DCC: variants seen among roughly 807,000 people sequenced by gnomAD.
DCC encodes the protein DCC netrin 1 receptor.
DCC carries 58 observed loss-of-function variants against 172.5 expected under a neutral mutation model. The observed-to-expected ratio is 0.34, with a 90% CI of 0.27 to 0.42. The LOEUF is 0.42. Ranked by LOEUF, DCC falls within the 10% of genes least tolerant of loss-of-function variation. The pLI is 1.00. For missense variants in DCC, 1,740 were observed against 1,791.0 expected (o/e 0.97, Z 0.51); for synonymous variants, 709 against 644.5 (o/e 1.10, Z -1.52).
rs567351189 is a variant in DCC at position 52,541,475 on chromosome 18, A to G, written c.91+200597A>G. ...CATTCATAATTCTGAGAAGAGAAAA[A>G]TCTAAATTCTACTCCCAGGTCCTCT... On this transcript the variant is annotated intron_variant, in intron 1 of 28. Coordinates refer to ENST00000442544, the MANE Select transcript of DCC (RefSeq NM_005215.4). 4.2e-4 allele frequency among the ~76,000 whole-genome samples: 64 copies of G among 152,310 alleles called. No individual in the cohort carries two copies. The South Asian group carries it at 5.6e-3, about 13-fold the overall frequency.
chr18:53,519,647 T>C (rs2046378014), intron 27 of DCC, among the ~76,000 whole-genome samples: 1 of 151,990 alleles, frequency 6.6e-6, no homozygotes, highest in East Asian at 1.9e-4. Flanking sequence ...TGGAAGAGAT[T>C]CTTTTCATTT....
chr18:52,993,077 C>A (rs2041421063), intron 5 of DCC, among the ~76,000 whole-genome samples: 1 of 151,080 alleles, frequency 6.6e-6, no homozygotes, highest in African/African-American at 2.4e-5. Context: ...AGTAATCAGT[C>A]TTTTTTTTCT....
chr18:52,517,285 A>G (rs984543803), intron 1 of DCC, among the ~76,000 whole-genome samples: 2 of 152,246 alleles, frequency 1.3e-5, no homozygotes, highest in African/African-American at 4.8e-5. Flanking sequence ...CTTTCTCGAT[A>G]GCTGCGGTGG....
At chr18:52,460,125 C>G (rs561287685) in intron 1 of DCC, among the ~76,000 whole-genome samples, 1 of 152,266 alleles carries the variant, frequency 6.6e-6, no homozygotes, top group South Asian at 2.1e-4. Flanking sequence ...CCTTTGTTCT[C>G]ACTTCCTGCT....
At chr18:52,777,646 C>A (rs938766132) in intron 2 of DCC, among the ~76,000 whole-genome samples, 16 of 151,964 alleles carry the variant, frequency 1.1e-4, no homozygotes, top group African/African-American at 3.9e-4. Flanking sequence ...TCAGAAGCAG[C>A]AAGCAGTGGA....
At chr18:52,381,228 T>G (rs1037159191) in intron 1 of DCC, among the ~76,000 whole-genome samples, 2 of 152,150 alleles carry the variant, frequency 1.3e-5, no homozygotes, top group African/African-American at 4.8e-5. Context: ...GACTGCACTT[T>G]GATCCTATAG....
chr18:52,736,914 G>C (rs1454471054), intron 1 of DCC, among the ~76,000 whole-genome samples: 1 of 152,144 alleles, frequency 6.6e-6, no homozygotes, highest in Admixed American at 6.5e-5. Context: ...TTGAGATAGA[G>C]ACTGGTATAT....
chr18:52,395,566 T>C (rs940878327), intron 1 of DCC, among the ~76,000 whole-genome samples: 9 of 152,042 alleles, frequency 5.9e-5, no homozygotes, highest in African/African-American at 1.9e-4. Context: ...GATTTATCAG[T>C]TGGAGTGACA....
intron 1 of DCC, among the ~76,000 whole-genome samples, chr18:52,392,860 A>T (rs1021618137): frequency 6.6e-6 from 1 of 152,126 alleles, no homozygotes; most frequent in Non-Finnish European, 1.5e-5. Flanking sequence ...GAATCGAACT[A>T]TGCAATACCA....
chr18:52,404,493 A>G (rs1986559933), intron 1 of DCC, among the ~76,000 whole-genome samples: 1 of 152,064 alleles, frequency 6.6e-6, no homozygotes, highest in Non-Finnish European at 1.5e-5. Context: ...TTTATATTGC[A>G]TAACTGAAGT....
intron 1 of DCC, among the ~76,000 whole-genome samples, chr18:52,481,925 T>G (rs1237430833): frequency 6.6e-6 from 1 of 152,110 alleles, no homozygotes; most frequent in African/African-American, 2.4e-5. Flanking sequence ...AAATATCTTA[T>G]TAAATTATTA....
chr18:52,514,713 A>C (rs2031565115), intron 1 of DCC, among the ~76,000 whole-genome samples: 1 of 152,250 alleles, frequency 6.6e-6, no homozygotes, highest in Non-Finnish European at 1.5e-5. Flanking sequence ...AGGCATAAGA[A>C]TAGAAATACA....
At chr18:53,306,517 C>G (rs2057202217) in intron 13 of DCC, among the ~76,000 whole-genome samples, 1 of 152,214 alleles carries the variant, frequency 6.6e-6, no homozygotes, top group African/African-American at 2.4e-5. Context: ...CTTGCTAGGT[C>G]TCCTGGGTGT....
In DCC at chr18:53,428,216, ATATAAT is replaced by A. The variant is rs1406195885; in HGVS notation, c.3164-6917_3164-6912del. ...AATATATAATATTATATATAAGTAT[ATATAAT>A]TATAATTATATATATAATTAATTAT... is the stretch of plus-strand genomic sequence containing the variant. On this transcript the variant is annotated intron_variant, in intron 21 of 28. Coordinates refer to ENST00000442544, the MANE Select transcript of DCC (RefSeq NM_005215.4). 1.6e-4 allele frequency among the ~76,000 whole-genome samples: 11 copies of A among 68,712 alleles called. 1 individual carries two copies. In the East Asian group the frequency reaches 4.3e-3, roughly 27 times the overall value. The allele number at this position is 68,712 out of a possible 152,430, so 45.1% of individuals were successfully genotyped here. A position where few individuals can be genotyped will look rare whatever the true frequency, so the allele number is the denominator to read the frequency against.
chr18:53,300,182 A>G (rs1048509010), intron 12 of DCC, among the ~76,000 whole-genome samples: 1 of 152,202 alleles, frequency 6.6e-6, no homozygotes, highest in African/African-American at 2.4e-5. Flanking sequence ...CTCATTATTT[A>G]CAGATTCTGT....
chr18:52,970,000 G>A (rs996058579), intron 5 of DCC, among the ~76,000 whole-genome samples: 3 of 151,550 alleles, frequency 2.0e-5, no homozygotes, highest in Non-Finnish European at 3.0e-5. Context: ...TCTTACATTT[G>A]GAAGACTTGA....
intron 12 of DCC, among the ~76,000 whole-genome samples, chr18:53,231,668 G>A (rs1456893570): frequency 2.0e-5 from 3 of 151,924 alleles, no homozygotes; most frequent in Non-Finnish European, 4.4e-5. Context: ...AATATTTAAG[G>A]GAGTATTAAT....
At chr18:53,126,654 A>G (rs1439571440) in intron 7 of DCC, among the ~76,000 whole-genome samples, 2 of 152,146 alleles carry the variant, frequency 1.3e-5, no homozygotes, top group Non-Finnish European at 2.9e-5. Flanking sequence ...ATAAAAGAGT[A>G]CAGATTCATA....
Position 53,410,458 on chromosome 18 carries a change from T to C in DCC, c.2942T>C (p.Ile981Thr). Residue 981 changes from isoleucine to threonine, a missense_variant, in exon 20 of 29, where the codon ATC becomes ACC. By Grantham distance (89) the Ile-to-Thr change is moderately conservative (BLOSUM62 -1). Around this residue, in one of 2 missense-constraint regions of DCC, gnomAD observed 1,732 missense variants for 1,767.4 expected, o/e 0.98. Transcript: ENST00000442544. ...CATTTGTCTATTTATGCAGCTTACA[T>C]CTTATTTTATACCTTGGACAAGAAC... is the stretch of plus-strand genomic sequence containing the variant. The part of the protein sequence containing the change: ...LEANGKITAY[I>T]LFYTLDKNIP... 6.2e-7 allele frequency: 1 copy of C among 1,601,634 alleles called. No homozygotes were observed. Among genetic ancestry groups the C allele is most frequent in the Non-Finnish European group, 8.6e-7 (1 of 1,168,684 alleles).
Sources: gnomAD v4.1 joint callset for allele counts (sites outside exome capture counted in the v4.1 genomes callset) on GRCh38, gnomAD v4.1.1 for gene constraint, gnomAD v4.1.1 regional missense constraint, MANE v1.5 for transcripts, NCBI Gene and HGNC (gene_info 2026-07-23, HGNC 2026-07-21) for gene names.